Variants in ABCD2 observed in about 807,000 individuals in gnomAD.
ABCD2 encodes ATP-binding cassette sub-family D member 2.
In ABCD2, 36 loss-of-function variants were observed where a neutral mutation model predicts 70.9. The observed-to-expected ratio is 0.51, with a 90% CI of 0.39 to 0.67. The LOEUF is 0.67. Ranked by LOEUF, ABCD2 falls within the 30% of genes least tolerant of loss-of-function variation. ABCD2 has a pLI of 0.00. For missense variants in ABCD2, 729 were observed against 890.2 expected (o/e 0.82, Z 2.30); for synonymous variants, 304 against 306.9 (o/e 0.99, Z 0.10).
At chr12:39,578,301 C>T (rs111451130) in intron 8 of ABCD2, among the ~76,000 whole-genome samples, 140 of 152,026 alleles carry the variant, frequency 9.2e-4, no homozygotes, top group African/African-American at 3.2e-3. Context: ...GGTGAAACCC[C>T]GTCTCTACTA....
intron 7 of ABCD2, among the ~76,000 whole-genome samples, chr12:39,584,489 T>C (rs1392321807): frequency 6.6e-6 from 1 of 152,230 alleles, no homozygotes; most frequent in Non-Finnish European, 1.5e-5. Context: ...CTGTTGATAG[T>C]TTCTTTTGCT....
intron 9 of ABCD2, among the ~76,000 whole-genome samples, chr12:39,559,018 AT>A (rs1326850704): frequency 2.6e-5 from 4 of 152,182 alleles, no homozygotes; most frequent in African/African-American, 9.7e-5. Context: ...CAAACTTATG[AT>A]ATGAAGAAAG....
chr12:39,602,540 CAG>C (rs1941914270), intron 5 of ABCD2, among the ~76,000 whole-genome samples: 1 of 152,096 alleles, frequency 6.6e-6, no homozygotes, highest in Admixed American at 6.6e-5. Flanking sequence ...GCAGAGGAAA[CAG>C]AACTTCCTAT....
chr12:39,563,724 C>A (rs566237110), intron 9 of ABCD2, among the ~76,000 whole-genome samples: 2 of 152,096 alleles, frequency 1.3e-5, no homozygotes, highest in African/African-American at 2.4e-5. Flanking sequence ...GTGCTGCACC[C>A]ATTAACTCAT....
chr12:39,543,916 TC>T, the ABCD2 span, among the ~76,000 whole-genome samples: 17 of 152,268 alleles, frequency 1.1e-4, no homozygotes, highest in African/African-American at 3.9e-4. Context: ...AAGGACTACC[TC>T]TCCCACAAAA....
At chr12:39,599,440 C>A (rs1353732982) in intron 6 of ABCD2, among the ~76,000 whole-genome samples, 1 of 152,192 alleles carries the variant, frequency 6.6e-6, no homozygotes. Flanking sequence ...CAGAATGTTT[C>A]CCAAAGGAAT....
intron 8 of ABCD2, among the ~76,000 whole-genome samples, chr12:39,575,862 A>G (rs886503380): frequency 2.6e-5 from 4 of 152,180 alleles, no homozygotes; most frequent in Admixed American, 2.6e-4. Context: ...TTCACTCATT[A>G]TCACATTATA....
chr12:39,533,329 T>C, the ABCD2 span, among the ~76,000 whole-genome samples: 2 of 152,314 alleles, frequency 1.3e-5, no homozygotes. Context: ...TTATTACTTT[T>C]ACCATTGAAA....
intron 9 of ABCD2, among the ~76,000 whole-genome samples, chr12:39,555,104 T>C (rs1357644532): frequency 2.0e-5 from 3 of 152,152 alleles, no homozygotes; most frequent in East Asian, 3.9e-4. Context: ...ATTCTTAGCA[T>C]ACTCACAAGC....
chr12:39,589,056 A>G (rs1941706481), intron 6 of ABCD2, among the ~76,000 whole-genome samples: 2 of 152,146 alleles, frequency 1.3e-5, no homozygotes, highest in South Asian at 4.1e-4. Context: ...TTGAAAATAT[A>G]CCCTAAATTA....
At chr12:39,573,949 CTA>C (rs1479028035) in intron 8 of ABCD2, 108 bp from the exon 9 acceptor site, 19 of 1,097,554 alleles carry the variant, frequency 1.7e-5, no homozygotes, top group Non-Finnish European at 2.4e-5. Context: ...GCAAAAAAGA[CTA>C]TGGCATTATT....
chr12:39,542,669 GT>G, the ABCD2 span, among the ~76,000 whole-genome samples: 1 of 152,134 alleles, frequency 6.6e-6, no homozygotes. Flanking sequence ...TGGCTGTGGA[GT>G]ATGAAGAGCA....
At chr12:39,602,627 A>C (rs1044500588) in intron 5 of ABCD2, among the ~76,000 whole-genome samples, 4 of 152,186 alleles carry the variant, frequency 2.6e-5, no homozygotes, top group African/African-American at 9.6e-5. Flanking sequence ...AAGAAAGTAT[A>C]CTTTACTAAT....
intron 6 of ABCD2, among the ~76,000 whole-genome samples, chr12:39,590,433 A>G (rs969545451): frequency 6.6e-6 from 1 of 152,218 alleles, no homozygotes; most frequent in Non-Finnish European, 1.5e-5. Flanking sequence ...TTTACTTTCT[A>G]TAAGTAAAAC....
rs200311534 is a variant in ABCD2, at chr12:39,619,344, A to G, written c.272T>C (p.Leu91Pro). 1.2e-6 allele frequency: 2 copies of G among 1,614,060 alleles called. No homozygotes were observed. The highest frequency in any genetic ancestry group is 1.7e-6 in the Non-Finnish European group (2 of 1,180,008). The change falls in exon 1 of 10, where the codon CTT becomes CCT. Residue 91 changes from leucine to proline, a missense_variant. By Grantham distance (98) the Leu-to-Pro change is moderately conservative (BLOSUM62 -3). Around this residue, in one of 3 missense-constraint regions of ABCD2, gnomAD observed 245 missense variants for 261.2 expected, o/e 0.94. Coordinates refer to ENST00000308666, the MANE Select transcript of ABCD2 (RefSeq NM_005164.4). ...NADFFKQLLE[L>P]RKILFPKLVT... ...AAGTTTTGGAAACAAAATTTTCCGA[A>G]GTTCTAGTAGCTGTTTGAAGAAATC...
At chr12:39,578,624 A>G (rs1216582506) in intron 8 of ABCD2, among the ~76,000 whole-genome samples, 2 of 151,404 alleles carry the variant, frequency 1.3e-5, no homozygotes, top group Non-Finnish European at 2.9e-5. Flanking sequence ...TTTCCTTCCC[A>G]TGTCTTCTGC....
At chr12:39,567,580 A>G (rs1379619015) in intron 9 of ABCD2, among the ~76,000 whole-genome samples, 2 of 152,110 alleles carry the variant, frequency 1.3e-5, no homozygotes, top group East Asian at 3.9e-4. Flanking sequence ...TTGACTCTTT[A>G]TCCAATTTGC....
At chr12:39,558,712 C>A (rs1941206788) in intron 9 of ABCD2, among the ~76,000 whole-genome samples, 1 of 152,114 alleles carries the variant, frequency 6.6e-6, no homozygotes, top group Non-Finnish European at 1.5e-5. Flanking sequence ...TGAGGCCTCC[C>A]CAGCCATCCT....
intron 3 of ABCD2, among the ~76,000 whole-genome samples, chr12:39,605,569 A>G (rs912439660): frequency 2.6e-5 from 4 of 152,088 alleles, no homozygotes; most frequent in Non-Finnish European, 5.9e-5. Context: ...GATGAGCTAA[A>G]TCTCTACTTT....
Sources: gnomAD v4.1 joint callset for allele counts (sites outside exome capture counted in the v4.1 genomes callset) on GRCh38, gnomAD v4.1.1 for gene constraint, gnomAD v4.1.1 regional missense constraint, MANE v1.5 for transcripts, NCBI Gene and HGNC (gene_info 2026-07-23, HGNC 2026-07-21) for gene names.